JARID2: variants seen among roughly 807,000 people sequenced by gnomAD.
The protein encoded by JARID2 is jumonji and AT-rich interaction domain containing 2.
JARID2 carries 21 observed loss-of-function variants against 125.6 expected under a neutral mutation model. The observed-to-expected ratio is 0.17, with a 90% CI of 0.12 to 0.24. JARID2 has a LOEUF of 0.24. Ranked by LOEUF, JARID2 falls within the 10% of genes least tolerant of loss-of-function variation. JARID2 has a pLI of 1.00. For missense variants in JARID2, 1,303 were observed against 1,639.6 expected, an observed-to-expected ratio of 0.79 and a Z score of 3.55; for synonymous variants, 736 against 661.6, an observed-to-expected ratio of 1.11 and a Z score of -1.73.
chr6:15,420,020 T>C (rs1232079645), intron 3 of JARID2, among the ~76,000 whole-genome samples: 1 of 152,250 alleles, frequency 6.6e-6, no homozygotes, highest in Non-Finnish European at 1.5e-5. Context: ...ATGTGTTTTG[T>C]TCCTTTTTTG....
intron 3 of JARID2, among the ~76,000 whole-genome samples, chr6:15,434,261 A>G (rs555963305): frequency 6.6e-6 from 1 of 152,252 alleles, no homozygotes; most frequent in African/African-American, 2.4e-5. Flanking sequence ...GTGATGGACA[A>G]TTCCATATAC....
At chr6:15,373,991 A>G (rs906930940) in intron 1 of JARID2, 126 bp from the exon 2 acceptor site, 1 of 1,058,754 alleles carries the variant, frequency 9.4e-7, no homozygotes, top group Non-Finnish European at 1.4e-6. Flanking sequence ...TAATTCTGAC[A>G]TTGAGAACTG....
chr6:15,487,080 C>G (rs1025341650), intron 5 of JARID2, among the ~76,000 whole-genome samples: 5 of 152,120 alleles, frequency 3.3e-5, no homozygotes, highest in African/African-American at 1.2e-4. Flanking sequence ...AGGTGGGAAA[C>G]ACTTTTAAAC....
chr6:15,428,687 C>T (rs1242260602), intron 3 of JARID2, among the ~76,000 whole-genome samples: 2 of 152,134 alleles, frequency 1.3e-5, no homozygotes, highest in Admixed American at 1.3e-4. Flanking sequence ...TGGCGAATCA[C>T]CTGAGGTCAA....
intron 3 of JARID2, among the ~76,000 whole-genome samples, chr6:15,451,158 A>G (rs1363347601): frequency 2.0e-5 from 3 of 152,222 alleles, no homozygotes. Flanking sequence ...CAAACAAAGA[A>G]ACAAACAAAA....
At chr6:15,436,546 A>G (rs926402531) in intron 3 of JARID2, among the ~76,000 whole-genome samples, 1 of 152,072 alleles carries the variant, frequency 6.6e-6, no homozygotes, top group African/African-American at 2.4e-5. Flanking sequence ...AAAATGCAAC[A>G]TTTGGGCAAG....
chr6:15,470,127 A>G (rs543510622), intron 5 of JARID2, among the ~76,000 whole-genome samples: 1 of 151,346 alleles, frequency 6.6e-6, no homozygotes, highest in African/African-American at 2.4e-5. Flanking sequence ...CAGTGAGCAG[A>G]GATCGTGCCA....
At chr6:15,513,140 G>GT in intron 15 of JARID2, 95 bp downstream of exon 15, 1 of 1,583,290 alleles carries the variant, frequency 6.3e-7, no homozygotes, top group Non-Finnish European at 8.6e-7. Flanking sequence ...ACAGGAGGGT[G>GT]TGTCTGCAGG....
chr6:15,501,307 G>A lies in JARID2; in HGVS notation c.2346G>A (p.Leu782=). ...SKLKEVGQAQ[L]KTGRRRLFAQ... ...TCAAGGAGGTGGGCCAGGCCCAGTT[G>A]AAGACTGGCCGGCGGCGACTCTTCG... The change falls in exon 8 of 18, where the codon TTG becomes TTA. Residue 782 remains leucine (L), a synonymous_variant. Transcript: ENST00000341776. 1 of 1,612,110 alleles carries A rather than the reference G, an allele frequency of 6.2e-7. No individual in the cohort carries two copies. Among genetic ancestry groups the A allele is most frequent in the Non-Finnish European group, 8.5e-7 (1 of 1,178,672 alleles).
At position 15,386,939 on chromosome 6, in the gene JARID2, G is replaced by GC. The variant is rs35353352; in HGVS notation, c.181+12688dup. On this transcript the variant is annotated intron_variant, in intron 2 of 17. Coordinates refer to ENST00000341776, the MANE Select transcript of JARID2 (RefSeq NM_004973.4). ...TTCTGAACTGTTGTGTAAACTCAGA[G>GC]CAGATGGGCTTTGGAGGAGGCTTCA... Among the ~76,000 whole-genome samples the GC allele has an allele frequency of 8.2e-3, 1,243 of 152,346 alleles. 9 individuals carry two copies. The highest frequency in any genetic ancestry group is 0.014 in the Non-Finnish European group (950 of 68,032).
Position 15,273,214 on chromosome 6 carries a change from T to C in JARID2, c.45+26630T>C, listed in dbSNP as rs1760367384. On this transcript the variant is annotated intron_variant, in intron 1 of 17. Transcript: ENST00000341776. ...TCCCCTACCCTTATTTTAAAATACC[T>C]GAGTTTTATTTGTGAGCTATTGAAT... is the stretch of plus-strand genomic sequence containing the variant. 2.6e-5 allele frequency among the ~76,000 whole-genome samples: 4 copies of C among 152,162 alleles called. No homozygotes were observed. The South Asian group carries it at 8.3e-4, about 32-fold the overall frequency.
chr6:15,484,961 T>A (rs1448119380), intron 5 of JARID2, among the ~76,000 whole-genome samples: 1 of 152,226 alleles, frequency 6.6e-6, no homozygotes, highest in Non-Finnish European at 1.5e-5. Context: ...TTGGCTTGAT[T>A]TTTAATCACA....
chr6:15,316,485 G>A (rs1010607348), intron 1 of JARID2, among the ~76,000 whole-genome samples: 3 of 152,122 alleles, frequency 2.0e-5, no homozygotes, highest in Admixed American at 2.0e-4. Context: ...TGTGGCTGAG[G>A]ACAGTAGTCC....
At chr6:15,299,827 AT>A (rs1554121062) in intron 1 of JARID2, among the ~76,000 whole-genome samples, 1 of 151,812 alleles carries the variant, frequency 6.6e-6, no homozygotes, top group Non-Finnish European at 1.5e-5. Flanking sequence ...GCAGTGAGTC[AT>A]TTTTTTCTGG....
intron 3 of JARID2, among the ~76,000 whole-genome samples, chr6:15,432,771 C>T (rs1767023751): frequency 6.6e-6 from 1 of 152,172 alleles, no homozygotes; most frequent in African/African-American, 2.4e-5. Flanking sequence ...GCTGCAGAAG[C>T]ACAGGTTTTT....
intron 8 of JARID2, among the ~76,000 whole-genome samples, chr6:15,504,223 C>G (rs927091304): frequency 6.7e-6 from 1 of 150,336 alleles, no homozygotes; most frequent in Non-Finnish European, 1.5e-5. Context: ...TTCTGCTGTG[C>G]GTCCGCTCAG....
chr6:15,308,412 C>T (rs755244943), intron 1 of JARID2, among the ~76,000 whole-genome samples: 16 of 152,082 alleles, frequency 1.1e-4, no homozygotes, highest in Non-Finnish European at 2.1e-4. Flanking sequence ...TTGTCATTTC[C>T]CTCAACTCAG....
At chr6:15,509,325 A>G in intron 12 of JARID2, 1 of 985,338 alleles carries the variant, frequency 1.0e-6, no homozygotes, top group Non-Finnish European at 1.2e-6. Context: ...TATTGCCCTA[A>G]TGGGGTGATT....
At chr6:15,372,207 C>A (rs1373698831) in intron 1 of JARID2, among the ~76,000 whole-genome samples, 1 of 152,092 alleles carries the variant, frequency 6.6e-6, no homozygotes, top group Non-Finnish European at 1.5e-5. Flanking sequence ...TTTCTGTGAT[C>A]CTTCAGTGTT....
Sources: gnomAD v4.1 joint callset for allele counts (sites outside exome capture counted in the v4.1 genomes callset) on GRCh38, gnomAD v4.1.1 for gene constraint, MANE v1.5 for transcripts, NCBI Gene and HGNC (gene_info 2026-07-23, HGNC 2026-07-21) for gene names.